CENPU: variants seen among roughly 807,000 people sequenced by gnomAD.
CENPU encodes KSHV latent nuclear antigen interacting protein 1.
Under a neutral mutation model 56.7 loss-of-function variants are expected in CENPU, and 46 were observed. The observed-to-expected ratio is 0.81, with a 90% CI of 0.64 to 1.04. The LOEUF (loss-of-function observed/expected upper bound fraction) is 1.04. Ranked by LOEUF, CENPU falls within the 50% of genes least tolerant of loss-of-function variation. The pLI, the probability that CENPU is intolerant of heterozygous loss-of-function variation, is 0.00. For synonymous variants in CENPU, 166 were observed against 163.0 expected (o/e 1.02, Z -0.14); for missense variants, 510 against 490.1 (o/e 1.04, Z -0.38).
At position 184,734,022 on chromosome 4, in the gene CENPU, G is replaced by A. The variant is rs1283783024; in HGVS notation, c.41C>T (p.Ser14Phe). The change falls in exon 1 of 13, where the codon TCT becomes TTT. Residue 14 changes from serine to phenylalanine, a missense_variant. By Grantham distance (155) the Ser-to-Phe change is radical. Coordinates refer to ENST00000281453, the MANE Select transcript of CENPU (RefSeq NM_024629.4). Reference protein sequence around the residue: ...RGRRRPRPHRSEGARRSKNTL... With the variant: ...RGRRRPRPHRFEGARRSKNTL... ...GAGGGTCGGCAGTACTTACCCCTCAGACCTGTGAGGCCGCGGCCGCCGCCG... is the reference window on the plus strand; with the variant it reads ...GAGGGTCGGCAGTACTTACCCCTCAAACCTGTGAGGCCGCGGCCGCCGCCG... 1 of 1,601,662 alleles carries A rather than the reference G, an allele frequency of 6.2e-7. No homozygotes were observed. The highest frequency in any genetic ancestry group is 8.5e-7 in the Non-Finnish European group (1 of 1,175,944).
At chr4:184,728,150 T>G (rs545692853) in intron 3 of CENPU, among the ~76,000 whole-genome samples, 131 of 152,354 alleles carry the variant, frequency 8.6e-4, no homozygotes, top group African/African-American at 2.9e-3. Flanking sequence ...TTCATTTCCA[T>G]TTTTAAAATT....
At chr4:184,711,741 CA>C (rs1159567050) in intron 7 of CENPU, among the ~76,000 whole-genome samples, 1 of 152,140 alleles carries the variant, frequency 6.6e-6, no homozygotes, top group Non-Finnish European at 1.5e-5. Context: ...TAAAATTTAA[CA>C]TATGCCTACC....
At chr4:184,709,795 A>T (rs1476356944) in intron 8 of CENPU, among the ~76,000 whole-genome samples, 1 of 142,376 alleles carries the variant, frequency 7.0e-6, no homozygotes, top group Non-Finnish European at 1.6e-5. Context: ...CTCAAAATTT[A>T]AAAAAAAAAA....
intron 8 of CENPU, among the ~76,000 whole-genome samples, chr4:184,705,452 G>A (rs889680090): frequency 4.6e-5 from 7 of 152,074 alleles, no homozygotes; most frequent in African/African-American, 1.7e-4. Flanking sequence ...TGAAGACAGC[G>A]GGGGCACGAG....
chr4:184,723,659 T>G (rs111910476), intron 4 of CENPU, among the ~76,000 whole-genome samples: 26,978 of 151,322 alleles, frequency 0.18, 2,685 homozygotes, highest in African/African-American at 0.26. Context: ...CTGGCCAACA[T>G]GGTGAAACTC....
intron 4 of CENPU, among the ~76,000 whole-genome samples, chr4:184,724,351 G>A (rs1234607108): frequency 6.6e-6 from 1 of 152,114 alleles, no homozygotes; most frequent in Non-Finnish European, 1.5e-5. Flanking sequence ...GAACTGACCT[G>A]TTACCCAACA....
intron 1 of CENPU, chr4:184,733,314 C>T (rs1761721098): frequency 2.0e-6 from 2 of 986,316 alleles, no homozygotes; most frequent in Non-Finnish European, 2.4e-6. Context: ...CTCCAGGCAG[C>T]CTTCCCAGGC....
At chr4:184,732,833 C>T (rs1761698110) in intron 1 of CENPU, among the ~76,000 whole-genome samples, 1 of 152,102 alleles carries the variant, frequency 6.6e-6, no homozygotes, top group African/African-American at 2.4e-5. Context: ...GAAACCCCGT[C>T]TTTACTAAAA....
rs1234021049 is a variant in CENPU at position 184,694,464 on chromosome 4, A to G, written c.*824T>C. The G allele has an allele frequency of 1.9e-6, 3 of 1,568,550 alleles. No homozygotes were observed. Among genetic ancestry groups the G allele is most frequent in the Non-Finnish European group, 2.6e-6 (3 of 1,155,120 alleles). Reference sequence around the variant, plus strand: ...AACATAGAGTATAAGGTTAAATCACATATCCTGAGTAAATATTTTCCTATC... The same window carrying G: ...AACATAGAGTATAAGGTTAAATCACGTATCCTGAGTAAATATTTTCCTATC... On this transcript the variant is annotated 3_prime_UTR_variant, in exon 13 of 13. Transcript: ENST00000281453.
At chr4:184,719,701 C>T (rs1432863425) in intron 4 of CENPU, among the ~76,000 whole-genome samples, 1 of 152,172 alleles carries the variant, frequency 6.6e-6, no homozygotes, top group African/African-American at 2.4e-5. Context: ...CCCCCAGGCC[C>T]AGGCAGCACA....
In CENPU at chr4:184,717,203, A is replaced by C; in HGVS notation, c.321-7T>G. 1 of 1,609,008 alleles carries C rather than the reference A, an allele frequency of 6.2e-7. No homozygotes were observed. ...ATTTCCAGAAGTGTCTGAACTGTAAAAAGTACAAGCCATCAATATCTTGTA... is the reference window on the plus strand; with the variant it reads ...ATTTCCAGAAGTGTCTGAACTGTAACAAGTACAAGCCATCAATATCTTGTA... On this transcript the variant is annotated splice_region_variant and splice_polypyrimidine_tract_variant and intron_variant, in intron 4 of 12. Coordinates refer to ENST00000281453, the MANE Select transcript of CENPU (RefSeq NM_024629.4).
At chr4:184,724,170 G>T (rs1178861372) in intron 4 of CENPU, among the ~76,000 whole-genome samples, 12 of 152,132 alleles carry the variant, frequency 7.9e-5, no homozygotes, top group Non-Finnish European at 2.9e-5. Context: ...GGAGGCTGAG[G>T]CAGGAGAATG....
At chr4:184,700,787 T>C (rs1224041337) in intron 11 of CENPU, 33 bp downstream of exon 11, 4 of 1,572,614 alleles carry the variant, frequency 2.5e-6, no homozygotes, top group Middle Eastern at 1.7e-4. Context: ...TCCTTTTAGG[T>C]AAGTGCTCAA....
In CENPU at chr4:184,728,998, T is replaced by A. The variant is rs139677215; in HGVS notation, c.134A>T (p.Asp45Val). The A allele has an allele frequency of 3.8e-5, 61 of 1,614,124 alleles. No homozygotes were observed. In the African/African-American group the frequency reaches 7.1e-4, roughly 19 times the overall value. The change falls in exon 3 of 13, where the codon GAC becomes GTC. Residue 45 changes from aspartate to valine, a missense_variant. Coordinates refer to ENST00000281453, the MANE Select transcript of CENPU (RefSeq NM_024629.4). ...GQKCKPIDVF[D>V]FPDNSDVSSI... ...TGAGACATCAGAATTATCAGGAAAG[T>A]CGAACACGTCAATAGGCTTGCACTT...
At chr4:184,727,820 T>G (rs1202114318) in intron 3 of CENPU, among the ~76,000 whole-genome samples, 1 of 152,096 alleles carries the variant, frequency 6.6e-6, no homozygotes, top group Non-Finnish European at 1.5e-5. Flanking sequence ...CTATAAAAAC[T>G]TACAGGAATG....
intron 6 of CENPU, 55 bp from the exon 7 acceptor site, chr4:184,713,068 A>G: frequency 8.7e-7 from 1 of 1,146,024 alleles, no homozygotes. Context: ...CTCTTAAAAC[A>G]TTAGGATTAA....
At position 184,730,911 on chromosome 4, in the gene CENPU, G is replaced by A. The variant is rs754547122; in HGVS notation, c.96+9C>T. The A allele has an allele frequency of 1.3e-6, 2 of 1,574,878 alleles. No individual in the cohort carries two copies. Among genetic ancestry groups the A allele is most frequent in the South Asian group, 2.4e-5 (2 of 83,410 alleles). ...TTTGAGAAAACCACAACACAAAAAG[G>A]TAACTTACATCTTTCATGGAATGTG... is the stretch of plus-strand genomic sequence containing the variant. On this transcript the variant is annotated intron_variant, in intron 2 of 12. Coordinates refer to ENST00000281453, the MANE Select transcript of CENPU (RefSeq NM_024629.4).
chr4:184,718,890 A>G (rs1561140410), intron 4 of CENPU, among the ~76,000 whole-genome samples: 1 of 152,192 alleles, frequency 6.6e-6, no homozygotes, highest in Non-Finnish European at 1.5e-5. Flanking sequence ...GCCTGTGGGC[A>G]TTTAGAGAAA....
At chr4:184,714,857 A>G (rs1336561076) in intron 6 of CENPU, among the ~76,000 whole-genome samples, 2 of 152,132 alleles carry the variant, frequency 1.3e-5, no homozygotes, top group Non-Finnish European at 2.9e-5. Context: ...TACCTCCTCT[A>G]TGTAACTGAT....
Sources: allele counts gnomAD v4.1 joint callset (sites outside exome capture counted in the v4.1 genomes callset), GRCh38; gene constraint gnomAD v4.1.1; transcripts MANE v1.5; gene names NCBI Gene and HGNC (gene_info 2026-07-23, HGNC 2026-07-21).